MAP2K5: variants seen among roughly 807,000 people sequenced by gnomAD.
MAP2K5 encodes the protein mitogen-activated protein kinase kinase 5.
In MAP2K5, 49 loss-of-function variants were observed where a neutral mutation model predicts 83.1. The observed-to-expected ratio is 0.59, with a 90% CI of 0.47 to 0.75. The LOEUF is 0.75. Among genes scored for constraint, MAP2K5 ranks in the 30% least tolerant of loss-of-function variants. The pLI is 0.00. For missense variants in MAP2K5, 457 were observed against 557.5 expected (o/e 0.82, Z 1.82); for synonymous variants, 202 against 191.8 (o/e 1.05, Z -0.44).
intron 8 of MAP2K5, among the ~76,000 whole-genome samples, chr15:67,612,223 C>T (rs1191008208): frequency 6.6e-6 from 1 of 151,992 alleles, no homozygotes; most frequent in African/African-American, 2.4e-5. Context: ...TCTGCTTTCT[C>T]CTATCTATCA....
At chr15:67,765,528 A>G (rs2090026160) in intron 19 of MAP2K5, among the ~76,000 whole-genome samples, 1 of 152,222 alleles carries the variant, frequency 6.6e-6, no homozygotes, top group Non-Finnish European at 1.5e-5. Flanking sequence ...AGATTATTCT[A>G]AAGCCAAGAT....
At chr15:67,800,717 C>G (rs763777329) in intron 21 of MAP2K5, among the ~76,000 whole-genome samples, 17 of 152,180 alleles carry the variant, frequency 1.1e-4, no homozygotes, top group African/African-American at 3.4e-4. Context: ...TATCCCCCAC[C>G]CCGATGTACG....
rs970777521 is a variant in MAP2K5 at position 67,665,430 on chromosome 15, A to G, written c.847+785A>G. On this transcript the variant is annotated intron_variant, in intron 13 of 21. Coordinates refer to ENST00000178640, the MANE Select transcript of MAP2K5 (RefSeq NM_145160.3). This position sits in a 1 kb window ranked among gnomAD's most constrained non-coding sequence, Gnocchi z 4.2. Reference sequence around the variant, plus strand: ...GCTGTTTAATTTTACACATCTGCTCATCTTAGCTGTATGTACATTTGGGGA... The same window carrying G: ...GCTGTTTAATTTTACACATCTGCTCGTCTTAGCTGTATGTACATTTGGGGA... Among the ~76,000 whole-genome samples the G allele has an allele frequency of 6.6e-6, 1 of 152,240 alleles. No homozygotes were observed. The highest frequency in any genetic ancestry group is 2.4e-5 in the African/African-American group (1 of 41,466).
chr15:67,763,934 C>T (rs2089997533), intron 19 of MAP2K5, among the ~76,000 whole-genome samples: 1 of 152,092 alleles, frequency 6.6e-6, no homozygotes, highest in Non-Finnish European at 1.5e-5. Context: ...TGGGCCAGGG[C>T]AAAGGAACGT....
intron 21 of MAP2K5, among the ~76,000 whole-genome samples, chr15:67,796,660 T>C (rs2090610364): frequency 6.6e-6 from 1 of 152,110 alleles, no homozygotes; most frequent in Admixed American, 6.6e-5. Context: ...ATTTAACATA[T>C]CCGGTTTTTT....
intron 13 of MAP2K5, among the ~76,000 whole-genome samples, chr15:67,671,396 T>C (rs147056341): frequency 2.1e-4 from 32 of 152,256 alleles, no homozygotes; most frequent in African/African-American, 6.5e-4. Flanking sequence ...TGGGAAATTC[T>C]AGGAAATATG....
chr15:67,553,506 C>T (rs959121549), intron 2 of MAP2K5, among the ~76,000 whole-genome samples: 16 of 152,200 alleles, frequency 1.1e-4, no homozygotes, highest in African/African-American at 3.9e-4. Flanking sequence ...TTTGGATTAT[C>T]ATGTACTTTC....
rs61493121 is a variant in MAP2K5 at position 67,794,638 on chromosome 15, GAAAAA to G, written c.1243-11993_1243-11989del. Among the ~76,000 whole-genome samples the G allele has an allele frequency of 2.6e-5, 3 of 116,492 alleles. No homozygotes were observed. In the East Asian group the frequency reaches 7.2e-4, roughly 28 times the overall value. The allele number at this position is 116,492 out of a possible 152,430, so 76.4% of individuals were successfully genotyped here. On this transcript the variant is annotated intron_variant, in intron 21 of 21. Transcript: ENST00000178640. This position sits in a 1 kb window ranked among gnomAD's most constrained non-coding sequence, Gnocchi z 4.6. ...CGGGTAACTCTGGAACATCACAGCT[GAAAAA>G]AAAAAAAAAAAAAAGACGGTACTTC...
intron 9 of MAP2K5, among the ~76,000 whole-genome samples, chr15:67,641,123 T>C (rs1339517809): frequency 6.6e-6 from 1 of 152,262 alleles, no homozygotes; most frequent in Non-Finnish European, 1.5e-5. Context: ...TTTCAAGTAG[T>C]AATGCTTGGA....
At chr15:67,733,881 C>T (rs1305533255) in intron 17 of MAP2K5, among the ~76,000 whole-genome samples, 4 of 152,222 alleles carry the variant, frequency 2.6e-5, no homozygotes, top group East Asian at 1.9e-4. Flanking sequence ...ATACTTCTGT[C>T]ATCCTTGGGT....
chr15:67,641,006 A>G (rs574370596), intron 9 of MAP2K5, among the ~76,000 whole-genome samples: 1 of 152,358 alleles, frequency 6.6e-6, no homozygotes, highest in East Asian at 1.9e-4. Context: ...TGTTTGGTGC[A>G]GGTAGTCAAG....
At position 67,717,087 on chromosome 15, in the gene MAP2K5, A is replaced by G. The variant is rs976972263; in HGVS notation, c.1045-10829A>G. 6.6e-6 allele frequency among the ~76,000 whole-genome samples: 1 copy of G among 152,214 alleles called. No homozygotes were observed. ...CCATTATGCTTTAGGAAAGTAGATC[A>G]AGTAGTTTGAAAAAAGAAGAGATGA... On this transcript the variant is annotated intron_variant, in intron 16 of 21. Transcript: ENST00000178640. This position sits in a 1 kb window ranked among gnomAD's most constrained non-coding sequence, Gnocchi z 4.1.
chr15:67,700,725 G>A (rs1236813547), intron 15 of MAP2K5, among the ~76,000 whole-genome samples: 1 of 151,986 alleles, frequency 6.6e-6, no homozygotes, highest in Non-Finnish European at 1.5e-5. Flanking sequence ...CTTAAGAGTT[G>A]TTTAGGATAG....
intron 13 of MAP2K5, among the ~76,000 whole-genome samples, chr15:67,683,994 C>T (rs1314556907): frequency 6.6e-6 from 1 of 152,178 alleles, no homozygotes; most frequent in East Asian, 1.9e-4. Flanking sequence ...CCAAACAAAG[C>T]TCAAAGGTCT....
At chr15:67,710,535 G>T (rs1333513085) in intron 16 of MAP2K5, among the ~76,000 whole-genome samples, 1 of 124,010 alleles carries the variant, frequency 8.1e-6, no homozygotes, top group Admixed American at 1.0e-4. Context: ...ATAGAGTCTC[G>T]CTCTGTCACC....
intron 11 of MAP2K5, 117 bp from the exon 12 acceptor site, chr15:67,658,436 T>C (rs906694462): frequency 1.3e-6 from 1 of 758,120 alleles, no homozygotes; most frequent in Non-Finnish European, 2.3e-6. Flanking sequence ...ATACTACACA[T>C]CCAATGCATG....
Position 67,677,244 on chromosome 15 carries a change from G to A in MAP2K5, c.847+12599G>A, listed in dbSNP as rs558272822. Among the ~76,000 whole-genome samples, 1 of 152,294 alleles carries A rather than the reference G, an allele frequency of 6.6e-6. No homozygotes were observed. The highest frequency in any genetic ancestry group is 1.9e-4 in the East Asian group (1 of 5,188). ...TATAATGCAGTTTGTTAAGGCTTAAGAGCTTTACTAGTCGAAGCCTCTAGT... is the reference window on the plus strand; with the variant it reads ...TATAATGCAGTTTGTTAAGGCTTAAAAGCTTTACTAGTCGAAGCCTCTAGT... On this transcript the variant is annotated intron_variant, in intron 13 of 21. Coordinates refer to ENST00000178640, the MANE Select transcript of MAP2K5 (RefSeq NM_145160.3). This position sits in a 1 kb window ranked among gnomAD's most constrained non-coding sequence, Gnocchi z 4.2.
chr15:67,739,798 C>T (rs1164957449), intron 17 of MAP2K5, among the ~76,000 whole-genome samples: 1 of 151,928 alleles, frequency 6.6e-6, no homozygotes, highest in African/African-American at 2.4e-5. Context: ...AGATTATTTC[C>T]CTCCTTATCC....
chr15:67,769,769 A>C lies in MAP2K5; in HGVS notation c.1196+106A>C. 1 of 1,136,492 alleles carries C rather than the reference A, an allele frequency of 8.8e-7. No homozygotes were observed. The highest frequency in any genetic ancestry group is 1.3e-6 in the Non-Finnish European group (1 of 768,240). 70.4% of individuals were successfully genotyped at this position (1,136,492 alleles called of 1,614,324 possible). On this transcript the variant is annotated intron_variant, in intron 20 of 21. Transcript: ENST00000178640. The surrounding 1 kb of genome is among the most constrained non-coding windows in gnomAD (Gnocchi z 5.2). ...GCTCTCCCTGCATCCTTTTGGAGAC[A>C]GGAGGGACTTCGGGGCCTTGGGCAG... is the stretch of plus-strand genomic sequence containing the variant.
Sources: allele counts gnomAD v4.1 joint callset (sites outside exome capture counted in the v4.1 genomes callset), GRCh38; gene constraint gnomAD v4.1.1; non-coding constraint Gnocchi (gnomAD v3.1); transcripts MANE v1.5; gene names NCBI Gene and HGNC (gene_info 2026-07-23, HGNC 2026-07-21).